The following FRMD7 variants were observed in gnomAD, a reference collection of about 807,000 sequenced individuals.
FRMD7 encodes FERM domain containing 7.
Under a neutral mutation model 44.1 loss-of-function variants are expected in FRMD7, and 14 were observed. That is an observed-to-expected ratio of 0.32 (90% CI 0.21 to 0.50). The LOEUF is 0.50. Among genes scored for constraint, FRMD7 ranks in the 20% least tolerant of loss-of-function variants. FRMD7 has a pLI of 0.99. For synonymous variants in FRMD7, 212 were observed against 187.4 expected (o/e 1.13, Z -1.07); for missense variants, 501 against 522.3 (o/e 0.96, Z 0.40).
chrX:132,109,111 C>T (rs1280754956), intron 1 of FRMD7, among the ~76,000 whole-genome samples: 1 of 111,972 alleles, frequency 8.9e-6, no homozygotes, highest in Non-Finnish European at 1.9e-5. Flanking sequence ...GAATCACACA[C>T]ATAACTATTG....
intron 1 of FRMD7, among the ~76,000 whole-genome samples, chrX:132,120,951 A>C (rs1254097188): frequency 8.9e-6 from 1 of 112,342 alleles, no homozygotes; most frequent in Non-Finnish European, 1.9e-5. Flanking sequence ...CATTGGCTAG[A>C]TTGGAACGTT....
In FRMD7 at chrX:132,095,504, C is replaced by G. The variant is rs769839262; in HGVS notation, c.285-1365G>C. Among the ~76,000 whole-genome samples, 8 of 111,899 alleles carry G rather than the reference C, an allele frequency of 7.1e-5. No homozygotes were observed. In the East Asian group the frequency reaches 2.2e-3, roughly 31 times the overall value. Reference sequence around the variant, plus strand: ...TGTACTTTTTTTAAAACCAATTAAGCCTTGAAGGCAATGTGGTGAATCAAA... The same window carrying G: ...TGTACTTTTTTTAAAACCAATTAAGGCTTGAAGGCAATGTGGTGAATCAAA... On this transcript the variant is annotated intron_variant, in intron 4 of 11. Transcript: ENST00000298542.
At chrX:132,121,151 A>T (rs1013412845) in intron 1 of FRMD7, among the ~76,000 whole-genome samples, 1 of 111,536 alleles carries the variant, frequency 9.0e-6, no homozygotes, top group African/African-American at 3.3e-5. Context: ...CTGCTAGAGG[A>T]TACATCATAA....
chrX:132,077,587 G>A lies in FRMD7; in HGVS notation c.*285C>T, dbSNP rs766974170. 51 of 329,063 alleles carry A rather than the reference G, an allele frequency of 1.5e-4. No homozygotes were observed. The highest frequency in any genetic ancestry group is 2.6e-4 in the Non-Finnish European group (48 of 187,758). The allele number at this position is 329,063 out of a possible 1,213,427, so 27.1% of individuals were successfully genotyped here. A position where few individuals can be genotyped will look rare whatever the true frequency, so the allele number is the denominator to read the frequency against. On this transcript the variant is annotated 3_prime_UTR_variant, in exon 12 of 12. Transcript: ENST00000298542. Reference sequence around the variant, plus strand: ...GAAGAGCCTGACCTTCACTCACAATGTCTCTATGAGGAAGTATGCAGTGGA... The same window carrying A: ...GAAGAGCCTGACCTTCACTCACAATATCTCTATGAGGAAGTATGCAGTGGA...
chrX:132,120,585 C>T (rs1569349390), intron 1 of FRMD7, among the ~76,000 whole-genome samples: 1 of 112,833 alleles, frequency 8.9e-6, no homozygotes, highest in Non-Finnish European at 1.9e-5. Flanking sequence ...TTCCCTCCTC[C>T]TTTCAGCTGT....
intron 1 of FRMD7, among the ~76,000 whole-genome samples, chrX:132,111,843 C>T (rs947412667): frequency 3.8e-4 from 43 of 112,012 alleles, no homozygotes; most frequent in African/African-American, 1.2e-3. Flanking sequence ...AAATCTTGGT[C>T]TGCACTCCTT....
chrX:132,093,870 T>G (rs1361534370), intron 5 of FRMD7, among the ~76,000 whole-genome samples, 172 bp downstream of exon 5: 1 of 112,383 alleles, frequency 8.9e-6, no homozygotes, highest in East Asian at 2.8e-4. Flanking sequence ...GTCACTATTT[T>G]AAAGACAAGG....
chrX:132,119,525 G>T (rs1202481762), intron 1 of FRMD7, among the ~76,000 whole-genome samples: 2 of 111,579 alleles, frequency 1.8e-5, no homozygotes, highest in African/African-American at 6.5e-5. Flanking sequence ...CCATGCCTAA[G>T]TGCTTCCAGG....
At chrX:132,118,958 G>A (rs769858278) in intron 1 of FRMD7, among the ~76,000 whole-genome samples, 9 of 110,754 alleles carry the variant, frequency 8.1e-5, no homozygotes, top group African/African-American at 1.6e-4. Context: ...TTGCCTGTCC[G>A]TCCCCTCCAC....
At chrX:132,124,130 C>A (rs752144143) in intron 1 of FRMD7, among the ~76,000 whole-genome samples, 2 of 111,748 alleles carry the variant, frequency 1.8e-5, no homozygotes, top group South Asian at 7.4e-4. Context: ...AGAAACTTGA[C>A]CCTCTATTGT....
At chrX:132,104,714 A>G (rs183253973) in intron 1 of FRMD7, among the ~76,000 whole-genome samples, 1 of 111,394 alleles carries the variant, frequency 9.0e-6, no homozygotes, top group African/African-American at 3.3e-5. Context: ...AAAACAAAAA[A>G]CAAACAAACA....
chrX:132,120,965 A>T (rs1315118683), intron 1 of FRMD7, among the ~76,000 whole-genome samples: 1 of 112,025 alleles, frequency 8.9e-6, no homozygotes, highest in East Asian at 2.8e-4. Context: ...GAACGTTATG[A>T]TTCCAGGATG....
At chrX:132,118,405 G>A (rs1401627918) in intron 1 of FRMD7, among the ~76,000 whole-genome samples, 1 of 109,154 alleles carries the variant, frequency 9.2e-6, no homozygotes, top group African/African-American at 3.3e-5. Context: ...GGATTTTATT[G>A]GGCAAAAAAG....
intron 5 of FRMD7, among the ~76,000 whole-genome samples, chrX:132,089,204 A>G (rs1928091725): frequency 8.9e-6 from 1 of 112,272 alleles, no homozygotes; most frequent in Non-Finnish European, 1.9e-5. Flanking sequence ...ATTTATGGTC[A>G]ATTGGTTTTT....
intron 1 of FRMD7, among the ~76,000 whole-genome samples, chrX:132,113,683 G>T (rs958650970): frequency 9.1e-6 from 1 of 110,488 alleles, no homozygotes. Flanking sequence ...ATATTTATGG[G>T]GTACAGGAGA....
chrX:132,081,514 T>A (rs754689032), intron 9 of FRMD7, among the ~76,000 whole-genome samples: 1 of 112,841 alleles, frequency 8.9e-6, no homozygotes, highest in East Asian at 2.8e-4. Context: ...ATAACTCAGG[T>A]CATTAAGAAA....
At chrX:132,084,317 C>T (rs1927914919) in intron 8 of FRMD7, among the ~76,000 whole-genome samples, 173 bp downstream of exon 8, 1 of 111,658 alleles carries the variant, frequency 9.0e-6, no homozygotes, top group East Asian at 2.8e-4. Context: ...AGTGTTTTGC[C>T]TTTAGTAAAA....
chrX:132,126,327 C>G (rs1929156641), intron 1 of FRMD7, among the ~76,000 whole-genome samples: 1 of 111,661 alleles, frequency 9.0e-6, no homozygotes, highest in Non-Finnish European at 1.9e-5. Context: ...GGTATCAAAT[C>G]TCTCCCATTA....
chrX:132,090,578 G>A (rs1928137362), intron 5 of FRMD7, among the ~76,000 whole-genome samples: 1 of 111,372 alleles, frequency 9.0e-6, no homozygotes, highest in Admixed American at 9.6e-5. Context: ...GTGACTGCAA[G>A]TAGGGATGAG....
Sources: gnomAD v4.1 joint callset for allele counts (sites outside exome capture counted in the v4.1 genomes callset) on GRCh38, gnomAD v4.1.1 for gene constraint, MANE v1.5 for transcripts, NCBI Gene and HGNC (gene_info 2026-07-23, HGNC 2026-07-21) for gene names.